DGKH: variants seen among roughly 807,000 people sequenced by gnomAD.
The protein encoded by DGKH is DAG kinase eta.
Under a neutral mutation model 159.3 loss-of-function variants are expected in DGKH, and 90 were observed. The ratio of observed to expected loss-of-function variants is 0.57; its 90% confidence interval spans 0.48 to 0.67. The LOEUF (loss-of-function observed/expected upper bound fraction) is 0.67. Ranked by LOEUF, DGKH falls within the 30% of genes least tolerant of loss-of-function variation. DGKH has a pLI of 0.00. For missense variants in DGKH, 1,181 were observed against 1,506.1 expected, an observed-to-expected ratio of 0.78 and a Z score of 3.57; for synonymous variants, 536 against 553.8, an observed-to-expected ratio of 0.97 and a Z score of 0.45.
At chr13:42,144,054 A>ATTTTTT (rs1355487065) in intron 3 of DGKH, among the ~76,000 whole-genome samples, 1 of 152,216 alleles carries the variant, frequency 6.6e-6, no homozygotes, top group East Asian at 1.9e-4. Flanking sequence ...AGCAAAAGAG[A>ATTTTTT]GTCTGATACA....
intron 1 of DGKH, among the ~76,000 whole-genome samples, chr13:42,106,254 C>G (rs1954753285): frequency 6.6e-6 from 1 of 152,158 alleles, no homozygotes; most frequent in East Asian, 1.9e-4. Context: ...GTGATTCACC[C>G]ACCTTGGCCT....
intron 1 of DGKH, among the ~76,000 whole-genome samples, chr13:42,076,301 A>G (rs1055314963): frequency 6.6e-6 from 1 of 152,246 alleles, no homozygotes; most frequent in Non-Finnish European, 1.5e-5. Context: ...GTAAAGAATA[A>G]AAGAATTATT....
intron 29 of DGKH, among the ~76,000 whole-genome samples, chr13:42,248,910 G>A (rs1438270232): frequency 6.6e-6 from 1 of 152,024 alleles, no homozygotes; most frequent in Non-Finnish European, 1.5e-5. Flanking sequence ...AAATCACCTA[G>A]CAATGCATAT....
chr13:42,090,359 A>G (rs910157369), intron 1 of DGKH, among the ~76,000 whole-genome samples: 3 of 152,316 alleles, frequency 2.0e-5, no homozygotes, highest in Non-Finnish European at 1.5e-5. Flanking sequence ...TGTAATCCCT[A>G]TGAAAGTTCC....
At chr13:42,249,568 T>A (rs1958605709) in intron 29 of DGKH, among the ~76,000 whole-genome samples, 1 of 152,230 alleles carries the variant, frequency 6.6e-6, no homozygotes, top group East Asian at 1.9e-4. Flanking sequence ...ACACGTGGTC[T>A]CTGTCAGGAC....
At chr13:42,197,526 G>A (rs1342392991) in intron 17 of DGKH, among the ~76,000 whole-genome samples, 1 of 151,984 alleles carries the variant, frequency 6.6e-6, no homozygotes, top group Non-Finnish European at 1.5e-5. Flanking sequence ...GAAGAGCATA[G>A]TGCTGAGGAA....
intron 26 of DGKH, chr13:42,216,609 G>A (rs1247249951): frequency 6.6e-6 from 1 of 152,166 alleles, no homozygotes; most frequent in Non-Finnish European, 1.5e-5. Flanking sequence ...GTCCAGAAAA[G>A]TGCCACCTTT....
At position 42,187,094 on chromosome 13, in the gene DGKH, G is replaced by A; in HGVS notation, c.1584G>A (p.Lys528=). The part of the protein sequence containing the change: ...TVKDFVAKVE[K]TYDKTLENAV... ...AGGACTTCGTTGCCAAAGTAGAAAA[G>A]ACGTATGACAAAACCTTGGAAAATG... is the stretch of plus-strand genomic sequence containing the variant. Residue 528 remains lysine (K), a synonymous_variant, in exon 14 of 30, where the codon AAG becomes AAA. Transcript: ENST00000337343. The A allele has an allele frequency of 1.2e-6, 2 of 1,614,098 alleles. No individual in the cohort carries two copies. The highest frequency in any genetic ancestry group is 2.2e-5 in the East Asian group (1 of 44,878).
chr13:42,195,060 TG>T (rs1393362749), intron 17 of DGKH, 44 bp downstream of exon 17: 1 of 1,598,968 alleles, frequency 6.3e-7, no homozygotes. Flanking sequence ...AGTATTTCTG[TG>T]AAAAGGTGTA....
intron 25 of DGKH, 88 bp downstream of exon 25, chr13:42,214,700 T>C: frequency 7.9e-7 from 1 of 1,258,848 alleles, no homozygotes; most frequent in Non-Finnish European, 1.1e-6. Flanking sequence ...CCACGCCCTG[T>C]GACAGAAAGT....
intron 1 of DGKH, among the ~76,000 whole-genome samples, chr13:42,109,968 T>G (rs1954831533): frequency 6.6e-6 from 1 of 152,222 alleles, no homozygotes; most frequent in Admixed American, 6.5e-5. Context: ...TATATCTATC[T>G]ATCTATGTAT....
chr13:42,214,529 C>T lies in DGKH; in HGVS notation c.3037C>T (p.His1013Tyr), dbSNP rs867697062. 8 of 1,613,022 alleles carry T rather than the reference C, an allele frequency of 5.0e-6. No individual in the cohort carries two copies. In the East Asian group the frequency reaches 1.8e-4, roughly 36 times the overall value. The change falls in exon 25 of 30, where the codon CAC becomes TAC. Residue 1013 changes from histidine to tyrosine, a missense_variant. Coordinates refer to ENST00000337343, the MANE Select transcript of DGKH (RefSeq NM_178009.5). ...ITRICDAATIHCLLEQELAHA... is the reference protein window; with the variant it reads ...ITRICDAATIYCLLEQELAHA... Reference sequence around the variant, plus strand: ...TAGGATATGTGACGCAGCCACAATTCACTGTCTTTTGGAGCAAGAACTGGC... The same window carrying T: ...TAGGATATGTGACGCAGCCACAATTTACTGTCTTTTGGAGCAAGAACTGGC...
intron 13 of DGKH, among the ~76,000 whole-genome samples, chr13:42,180,539 G>A (rs1956723870): frequency 6.6e-6 from 1 of 152,206 alleles, no homozygotes; most frequent in African/African-American, 2.4e-5. Context: ...AATTATGGTA[G>A]CATCACCTCA....
At chr13:42,225,140 C>G (rs893771481) in intron 29 of DGKH, 25 of 674,288 alleles carry the variant, frequency 3.7e-5, no homozygotes, top group Middle Eastern at 2.4e-4. Context: ...CCAGGCTGGT[C>G]TTGAACTCCT....
chr13:42,211,379 C>T (rs892294053), intron 24 of DGKH, among the ~76,000 whole-genome samples: 3 of 152,098 alleles, frequency 2.0e-5, no homozygotes, highest in Non-Finnish European at 4.4e-5. Flanking sequence ...GAAGAAATAC[C>T]TGAGACCGGG....
chr13:42,110,610 G>A (rs199824868), intron 1 of DGKH, among the ~76,000 whole-genome samples: 3 of 21,702 alleles, frequency 1.4e-4, no homozygotes, highest in East Asian at 1.1e-3. Flanking sequence ...TCATTCATTC[G>A]TTGTTTTACC....
intron 12 of DGKH, 106 bp from the exon 13 acceptor site, chr13:42,178,029 C>T: frequency 1.6e-6 from 1 of 618,316 alleles, no homozygotes; most frequent in Non-Finnish European, 2.6e-6. Flanking sequence ...ATAGTGATTG[C>T]CTTGCCTAAA....
chr13:42,187,160 C>T lies in DGKH; in HGVS notation c.1638+12C>T. 1 of 1,606,776 alleles carries T rather than the reference C, an allele frequency of 6.2e-7. No individual in the cohort carries two copies. Among genetic ancestry groups the T allele is most frequent in the Non-Finnish European group, 8.5e-7 (1 of 1,173,422 alleles). ...CCGTGGCCAGTAAAGTAAGAGGGGA[C>T]TCTTCAGGGCATGAGAGTTGTTTAT... On this transcript the variant is annotated intron_variant, in intron 14 of 29. Transcript: ENST00000337343.
Position 42,129,988 on chromosome 13 carries a change from A to G in DGKH, c.384+356A>G, listed in dbSNP as rs546242150. Among the ~76,000 whole-genome samples, 53 of 152,314 alleles carry G rather than the reference A, an allele frequency of 3.5e-4. 1 individual carries two copies. In the South Asian group the frequency reaches 0.011, roughly 30 times the overall value. ...ATATAATATTTTCTCCATGTAGCCT[A>G]CTTTCACTCCATTTCACCCCAGTTG... On this transcript the variant is annotated intron_variant, in intron 3 of 29. Coordinates refer to ENST00000337343, the MANE Select transcript of DGKH (RefSeq NM_178009.5).
Sources: gnomAD v4.1 joint callset for allele counts (sites outside exome capture counted in the v4.1 genomes callset) on GRCh38, gnomAD v4.1.1 for gene constraint, MANE v1.5 for transcripts, NCBI Gene and HGNC (gene_info 2026-07-23, HGNC 2026-07-21) for gene names.